The following RBFOX1 variants were observed in gnomAD, a reference collection of about 807,000 sequenced individuals.
RBFOX1 encodes RNA binding protein fox-1 homolog 1.
In RBFOX1, 8 loss-of-function variants were observed where a neutral mutation model predicts 57.7. The observed-to-expected ratio is 0.14, with a 90% CI of 0.08 to 0.25. RBFOX1 has a LOEUF of 0.25. Among genes scored for constraint, RBFOX1 ranks in the 10% least tolerant of loss-of-function variants. The pLI, the probability that RBFOX1 is intolerant of heterozygous loss-of-function variation, is 1.00. For missense variants in RBFOX1, 611 were observed against 548.5 expected, an observed-to-expected ratio of 1.11 and a Z score of -1.14; for synonymous variants, 326 against 222.4, an observed-to-expected ratio of 1.47 and a Z score of -4.15.
chr16:5,472,415 G>A (rs1429369906), intron 2 of RBFOX1, among the ~76,000 whole-genome samples: 2 of 152,144 alleles, frequency 1.3e-5, no homozygotes, highest in Non-Finnish European at 2.9e-5. Context: ...GGATCCTCAG[G>A]GTTAGATAGG....
chr16:6,024,063 T>C (rs573973434), intron 1 of RBFOX1, among the ~76,000 whole-genome samples: 1 of 152,316 alleles, frequency 6.6e-6, no homozygotes, highest in African/African-American at 2.4e-5. Context: ...TGTCCTCATT[T>C]TTTGAATCTG....
At chr16:5,366,346 A>C in intron 1 of RBFOX1, 1 of 366,348 alleles carries the variant, frequency 2.7e-6, no homozygotes, top group South Asian at 2.3e-5. Context: ...GATGATGATG[A>C]TTTTGATAAT....
chr16:7,395,214 A>C (rs552596672), intron 4 of RBFOX1, among the ~76,000 whole-genome samples: 1 of 150,568 alleles, frequency 6.6e-6, no homozygotes, highest in East Asian at 2.0e-4. Flanking sequence ...TGATCTATGT[A>C]GATGCATTGT....
At position 5,820,488 on chromosome 16, in the gene RBFOX1, C is replaced by T. The variant is rs144612150; in HGVS notation, c.319-46815C>T. ...TAGCAGCACCAGAGCTGCAGCTGCC[C>T]GCACGTTTCTAGCCACAAGGGAGGG... On this transcript the variant is annotated intron_variant, in intron 3 of 19. Transcript: ENST00000641259. 4.5e-3 allele frequency among the ~76,000 whole-genome samples: 684 copies of T among 152,246 alleles called. 5 individuals carry two copies. Among genetic ancestry groups the T allele is most frequent in the African/African-American group, 0.016 (645 of 41,538 alleles).
rs140429232 is a variant in RBFOX1 at position 7,185,551 on chromosome 16, G to T, written c.27+133453G>T. Among the ~76,000 whole-genome samples the T allele has an allele frequency of 3.0e-3, 457 of 152,236 alleles. 2 individuals carry two copies. Among genetic ancestry groups the T allele is most frequent in the African/African-American group, 0.01 (428 of 41,550 alleles). On this transcript the variant is annotated intron_variant, in intron 4 of 15. Transcript: ENST00000550418. Reference sequence around the variant, plus strand: ...ACCTTTGTGGACACACACATTCTTGGCCAGATGGGATACAGTGGTTTTCAA... The same window carrying T: ...ACCTTTGTGGACACACACATTCTTGTCCAGATGGGATACAGTGGTTTTCAA...
chr16:6,007,732 A>G (rs2094935789), intron 4 of RBFOX1, among the ~76,000 whole-genome samples: 1 of 152,198 alleles, frequency 6.6e-6, no homozygotes, highest in South Asian at 2.1e-4. Flanking sequence ...GCAGCCCCAG[A>G]AGCCTGGAAG....
chr16:5,288,247 GT>G (rs1273484965), intron 1 of RBFOX1, among the ~76,000 whole-genome samples: 1 of 152,170 alleles, frequency 6.6e-6, no homozygotes, highest in Non-Finnish European at 1.5e-5. Flanking sequence ...TATATATATA[GT>G]CTTTTACATG....
At chr16:7,044,896 G>T (rs1378669039) in intron 3 of RBFOX1, among the ~76,000 whole-genome samples, 1 of 152,126 alleles carries the variant, frequency 6.6e-6, no homozygotes, top group Non-Finnish European at 1.5e-5. Context: ...TGGTTATGGA[G>T]AAAATTTTTT....
At chr16:5,490,790 T>C (rs1195352945) in intron 2 of RBFOX1, among the ~76,000 whole-genome samples, 3 of 152,188 alleles carry the variant, frequency 2.0e-5, no homozygotes, top group Non-Finnish European at 4.4e-5. Flanking sequence ...TAGAAGTGCA[T>C]CCGCCTCTGC....
chr16:7,062,662 C>A (rs1212211764), intron 4 of RBFOX1, among the ~76,000 whole-genome samples: 1 of 152,130 alleles, frequency 6.6e-6, no homozygotes, highest in African/African-American at 2.4e-5. Context: ...TGAATTCTTT[C>A]TCCTGAGACT....
chr16:6,895,176 CCT>C (rs2066456584), intron 3 of RBFOX1, among the ~76,000 whole-genome samples: 1 of 151,900 alleles, frequency 6.6e-6, no homozygotes, highest in South Asian at 2.1e-4. Flanking sequence ...TTAACAAAAT[CCT>C]CTAGTTTTGT....
intron 3 of RBFOX1, among the ~76,000 whole-genome samples, chr16:5,790,107 C>T (rs990597740): frequency 1.3e-5 from 2 of 152,246 alleles, no homozygotes; most frequent in Non-Finnish European, 1.5e-5. Context: ...CTTCCTCCAT[C>T]TTCAGCATTT....
In RBFOX1 at chr16:6,859,167, A is replaced by ATATATATATGTATATATACG. The variant is rs1567593244; in HGVS notation, c.-15-192883_-15-192882insATGTATATATACGTATATAT. On this transcript the variant is annotated intron_variant, in intron 3 of 15. Coordinates refer to ENST00000550418, the MANE Select transcript of RBFOX1 (RefSeq NM_018723.4). ...TATATATATATGTATATATATACGT[A>ATATATATATGTATATATACG]TATATATGTATATATATGTATATAT... 4.3e-4 allele frequency among the ~76,000 whole-genome samples: 32 copies of ATATATATATGTATATATACG among 73,718 alleles called. 1 individual carries two copies. The highest frequency in any genetic ancestry group is 5.2e-4 in the Non-Finnish European group (20 of 38,304). 48.4% of individuals were successfully genotyped at this position (73,718 alleles called of 152,430 possible). A position where few individuals can be genotyped will look rare whatever the true frequency, so the allele number is the denominator to read the frequency against.
At chr16:5,259,042 G>C (rs1361623820) in intron 1 of RBFOX1, among the ~76,000 whole-genome samples, 1 of 152,158 alleles carries the variant, frequency 6.6e-6, no homozygotes, top group Non-Finnish European at 1.5e-5. Flanking sequence ...GCAGGTTCAA[G>C]CATTCCCAGG....
intron 1 of RBFOX1, among the ~76,000 whole-genome samples, chr16:5,375,237 G>T (rs2065955445): frequency 6.6e-6 from 1 of 152,170 alleles, no homozygotes; most frequent in African/African-American, 2.4e-5. Flanking sequence ...GATGACATGT[G>T]ATAATTTCTA....
intron 4 of RBFOX1, among the ~76,000 whole-genome samples, chr16:7,069,249 C>T (rs1327328162): frequency 6.6e-6 from 1 of 152,090 alleles, no homozygotes; most frequent in African/African-American, 2.4e-5. Context: ...AGGTTTGTTA[C>T]ATAGGTAAAC....
chr16:6,511,325 A>G (rs1233174694), intron 2 of RBFOX1, among the ~76,000 whole-genome samples: 1 of 152,208 alleles, frequency 6.6e-6, no homozygotes, highest in Non-Finnish European at 1.5e-5. Context: ...CAAATTGCCT[A>G]AAATCTCTTC....
At chr16:6,711,278 T>TC (rs1405318411) in intron 3 of RBFOX1, among the ~76,000 whole-genome samples, 1 of 151,978 alleles carries the variant, frequency 6.6e-6, no homozygotes, top group Non-Finnish European at 1.5e-5. Context: ...CACACGCCCC[T>TC]CCCCCCATGG....
intron 1 of RBFOX1, among the ~76,000 whole-genome samples, chr16:5,356,378 C>T (rs953932001): frequency 1.3e-5 from 2 of 152,132 alleles, no homozygotes; most frequent in South Asian, 2.1e-4. Flanking sequence ...TAATGACAGC[C>T]GTAGGAAACT....
Sources: gnomAD v4.1 joint callset for allele counts (sites outside exome capture counted in the v4.1 genomes callset) on GRCh38, gnomAD v4.1.1 for gene constraint, MANE v1.5 for transcripts, NCBI Gene and HGNC (gene_info 2026-07-23, HGNC 2026-07-21) for gene names.